Variants in LRP1B observed in about 807,000 individuals in gnomAD.
LRP1B encodes low-density lipoprotein receptor-related protein 1B.
LRP1B carries 217 observed loss-of-function variants against 556.6 expected under a neutral mutation model. The observed-to-expected ratio is 0.39, with a 90% confidence interval of 0.35 to 0.44. LRP1B has a LOEUF of 0.44. Among genes scored for constraint, LRP1B ranks in the 20% least tolerant of loss-of-function variants. The pLI, the probability that LRP1B is intolerant of heterozygous loss-of-function variation, is 1.00. For synonymous variants in LRP1B, 2,047 were observed against 1,865.8 expected (o/e 1.10, Z -2.50); for missense variants, 5,053 against 5,620.8 (o/e 0.90, Z 3.23).
chr2:142,117,354 C>T (rs1201428163), intron 1 of LRP1B, among the ~76,000 whole-genome samples: 1 of 152,110 alleles, frequency 6.6e-6, no homozygotes, highest in Non-Finnish European at 1.5e-5. Flanking sequence ...GATTCATCCT[C>T]GTATTCTTCT....
At chr2:141,268,464 C>G (rs549401750) in intron 3 of LRP1B, among the ~76,000 whole-genome samples, 2 of 152,122 alleles carry the variant, frequency 1.3e-5, no homozygotes, top group African/African-American at 4.8e-5. Context: ...ACCACAAAGA[C>G]TGTGCACTAA....
At chr2:141,487,302 AT>A (rs1484865044) in intron 2 of LRP1B, among the ~76,000 whole-genome samples, 6 of 152,260 alleles carry the variant, frequency 3.9e-5, no homozygotes, top group African/African-American at 1.2e-4. Flanking sequence ...ATTATTTCTC[AT>A]CCATCTCACC....
chr2:140,759,627 A>G (rs1244975806), intron 35 of LRP1B, among the ~76,000 whole-genome samples: 3 of 152,218 alleles, frequency 2.0e-5, no homozygotes, highest in African/African-American at 7.2e-5. Flanking sequence ...CATTGCAAGC[A>G]TAAAGAACTG....
intron 15 of LRP1B, among the ~76,000 whole-genome samples, chr2:141,002,668 G>A (rs564524644): frequency 6.6e-6 from 1 of 152,126 alleles, no homozygotes; most frequent in East Asian, 1.9e-4. Flanking sequence ...TCAGTACAGA[G>A]GGTCCACTGT....
intron 11 of LRP1B, among the ~76,000 whole-genome samples, chr2:141,043,803 T>TGA (rs1394115036): frequency 6.6e-6 from 1 of 151,942 alleles, no homozygotes; most frequent in African/African-American, 2.4e-5. Flanking sequence ...CATATTACAA[T>TGA]GAAAAATAAA....
chr2:141,170,988 C>T (rs1056521713), intron 7 of LRP1B, among the ~76,000 whole-genome samples: 26 of 151,934 alleles, frequency 1.7e-4, no homozygotes, highest in African/African-American at 5.8e-4. Flanking sequence ...TCTTTTTTCC[C>T]TTCCTTAAAA....
intron 56 of LRP1B, among the ~76,000 whole-genome samples, chr2:140,495,223 T>C (rs1215557231): frequency 1.3e-5 from 2 of 152,066 alleles, no homozygotes; most frequent in Non-Finnish European, 2.9e-5. Context: ...AAAAATATTA[T>C]AATAATGTCA....
intron 2 of LRP1B, among the ~76,000 whole-genome samples, chr2:141,796,331 G>C (rs1279457258): frequency 2.0e-5 from 3 of 151,940 alleles, no homozygotes; most frequent in African/African-American, 7.2e-5. Flanking sequence ...CACTTACCTT[G>C]AAGGTAAACT....
At chr2:140,445,684 C>G (rs907155842) in intron 63 of LRP1B, among the ~76,000 whole-genome samples, 1 of 152,136 alleles carries the variant, frequency 6.6e-6, no homozygotes, top group Non-Finnish European at 1.5e-5. Flanking sequence ...GACCCCTTCA[C>G]ATACAGTTAC....
In LRP1B at chr2:140,616,278, C is replaced by T. The variant is rs567679304; in HGVS notation, c.6800-14639G>A. 7.9e-5 allele frequency among the ~76,000 whole-genome samples: 12 copies of T among 151,888 alleles called. No individual in the cohort carries two copies. In the East Asian group the frequency reaches 1.9e-3, roughly 24 times the overall value. On this transcript the variant is annotated intron_variant, in intron 41 of 90. Coordinates refer to ENST00000389484, the MANE Select transcript of LRP1B (RefSeq NM_018557.3). ...AACAATATGAAACAATGCTTTAGGA[C>T]AGAATTACTAAAGAATGTGTTACTG... is the stretch of plus-strand genomic sequence containing the variant.
At chr2:141,066,451 A>G (rs189453624) in intron 7 of LRP1B, among the ~76,000 whole-genome samples, 15 of 152,056 alleles carry the variant, frequency 9.9e-5, no homozygotes, top group Admixed American at 9.8e-4. Flanking sequence ...CTGTGCTTAC[A>G]GAGTTATGGC....
intron 41 of LRP1B, among the ~76,000 whole-genome samples, chr2:140,647,989 T>C (rs1024038138): frequency 2.6e-5 from 4 of 152,162 alleles, no homozygotes; most frequent in African/African-American, 9.7e-5. Flanking sequence ...CATGTGCACA[T>C]GTATGTTTAT....
intron 3 of LRP1B, among the ~76,000 whole-genome samples, chr2:141,360,869 G>A (rs547850463): frequency 2.0e-4 from 30 of 152,238 alleles, no homozygotes; most frequent in African/African-American, 7.0e-4. Context: ...TAAATATATA[G>A]CACATTATTT....
Position 140,541,827 on chromosome 2 carries a change from G to T in LRP1B, c.7339C>A (p.Pro2447Thr), listed in dbSNP as rs1680144562. Residue 2447 changes from proline to threonine, a missense_variant, in exon 44 of 91, where the codon CCA (proline) becomes ACA (threonine). This residue lies in a region of LRP1B where 3,619 missense variants were observed against 3,931.9 expected (regional missense o/e 0.92). Coordinates refer to ENST00000389484, the MANE Select transcript of LRP1B (RefSeq NM_018557.3). ...GDTKILRSDI[P>T]HQPMGIIAVA... ...GCTATGATTCCCATTGGCTGATGTGGAATATCGGAACGAAGAATTTTTGTA... is the reference window on the plus strand; with the variant it reads ...GCTATGATTCCCATTGGCTGATGTGTAATATCGGAACGAAGAATTTTTGTA... The T allele has an allele frequency of 6.2e-7, 1 of 1,612,460 alleles. No homozygotes were observed. The highest frequency in any genetic ancestry group is 1.1e-5 in the South Asian group (1 of 90,958).
chr2:141,157,032 A>G (rs1702084173), intron 7 of LRP1B, among the ~76,000 whole-genome samples: 1 of 152,170 alleles, frequency 6.6e-6, no homozygotes, highest in Admixed American at 6.6e-5. Context: ...AAAGATAGTT[A>G]TATTATCAAA....
chr2:141,417,670 T>G (rs1679953785), intron 3 of LRP1B, among the ~76,000 whole-genome samples: 1 of 152,102 alleles, frequency 6.6e-6, no homozygotes, highest in Non-Finnish European at 1.5e-5. Context: ...GCAGTGAACA[T>G]GGGAGTGCAA....
intron 1 of LRP1B, among the ~76,000 whole-genome samples, chr2:141,847,663 GGAT>G (rs1697699068): frequency 6.6e-6 from 1 of 151,260 alleles, no homozygotes; most frequent in African/African-American, 2.4e-5. Context: ...CTTGATGTAG[GGAT>G]GATATTAAAA....
At chr2:140,325,518 T>C (rs1018113046) in intron 80 of LRP1B, among the ~76,000 whole-genome samples, 13 of 152,118 alleles carry the variant, frequency 8.5e-5, no homozygotes, top group African/African-American at 2.9e-4. Flanking sequence ...AATGAAATTA[T>C]TTTCTGAATC....
chr2:140,365,010 T>C (rs530810711), intron 71 of LRP1B, among the ~76,000 whole-genome samples: 1 of 151,750 alleles, frequency 6.6e-6, no homozygotes, highest in African/African-American at 2.4e-5. Context: ...CTCATATATG[T>C]CTATTTTTTA....
Sources: gnomAD v4.1 joint callset for allele counts (sites outside exome capture counted in the v4.1 genomes callset) on GRCh38, gnomAD v4.1.1 for gene constraint, gnomAD v4.1.1 regional missense constraint, MANE v1.5 for transcripts, NCBI Gene and HGNC (gene_info 2026-07-23, HGNC 2026-07-21) for gene names.